The following CIROZ variants were observed in gnomAD, a reference collection of about 807,000 sequenced individuals.
CIROZ encodes the protein ciliated left-right organizer protein containing ZP-N domains.
the CIROZ span, among the ~76,000 whole-genome samples, chr1:10,961,010 C>G: frequency 1.3e-5 from 2 of 152,104 alleles, no homozygotes; most frequent in African/African-American, 2.4e-5. Context: ...CCCCCCCCAC[C>G]CACCTGCTCC....
chr1:10,972,356 G>A, the CIROZ span, among the ~76,000 whole-genome samples: 1 of 150,784 alleles, frequency 6.6e-6, no homozygotes, highest in East Asian at 2.0e-4. Context: ...AGTGTGCGAT[G>A]ATCATGCCTG....
At chr1:10,967,130 C>G in the CIROZ span, among the ~76,000 whole-genome samples, 1 of 144,198 alleles carries the variant, frequency 6.9e-6, no homozygotes, top group Non-Finnish European at 1.5e-5. Flanking sequence ...GCCTGGGTGA[C>G]GGAGTGAAAC....
the CIROZ span, among the ~76,000 whole-genome samples, chr1:10,969,081 C>A: frequency 1.3e-5 from 2 of 152,152 alleles, no homozygotes; most frequent in Admixed American, 6.5e-5. Context: ...CCTCCCAGGG[C>A]AGATTTAGGC....
At chr1:10,948,351 C>G in the CIROZ span, 1 of 1,613,436 alleles carries the variant, frequency 6.2e-7, no homozygotes, top group African/African-American at 1.3e-5. Flanking sequence ...TGTGGCCCGC[C>G]AGGGCCTCGC....
chr1:10,956,744 TG>T, the CIROZ span, among the ~76,000 whole-genome samples: 1 of 152,178 alleles, frequency 6.6e-6, no homozygotes, highest in African/African-American at 2.4e-5. Context: ...CCCAAAGTGC[TG>T]GGATTACAGG....
At chr1:10,976,052 C>A in the CIROZ span, 6 of 880,230 alleles carry the variant, frequency 6.8e-6, no homozygotes, top group African/African-American at 6.7e-5. Context: ...AAGGCTTTCT[C>A]GCTTCCAAAG....
chr1:10,962,200 C>T, the CIROZ span, among the ~76,000 whole-genome samples: 2 of 151,562 alleles, frequency 1.3e-5, no homozygotes, highest in Non-Finnish European at 2.9e-5. Context: ...AATCCCAGCA[C>T]TTTGGGAGGC....
chr1:10,969,708 T>C, the CIROZ span, among the ~76,000 whole-genome samples: 1 of 151,940 alleles, frequency 6.6e-6, no homozygotes, highest in East Asian at 1.9e-4. Context: ...CTGCCTTCTG[T>C]TGGGAAGAGG....
At chr1:10,957,120 G>A in the CIROZ span, 6 of 1,547,242 alleles carry the variant, frequency 3.9e-6, no homozygotes, top group South Asian at 6.0e-5. Context: ...GGGGAGGAAG[G>A]GGGGTCCCCC....
the CIROZ span, among the ~76,000 whole-genome samples, chr1:10,954,336 C>T: frequency 6.6e-6 from 1 of 151,964 alleles, no homozygotes; most frequent in Non-Finnish European, 1.5e-5. Context: ...CACCTGTAGT[C>T]CCAGCTACTC....
At chr1:10,954,076 A>C in the CIROZ span, 1 of 1,613,746 alleles carries the variant, frequency 6.2e-7, no homozygotes, top group Non-Finnish European at 8.5e-7. Flanking sequence ...ATCTCGGCAA[A>C]TTCCAGGCTC....
the CIROZ span, chr1:10,948,638 T>G: frequency 6.2e-7 from 1 of 1,613,762 alleles, no homozygotes; most frequent in South Asian, 1.1e-5. Flanking sequence ...TTGGCAAGAC[T>G]GGACGTGGCC....
the CIROZ span, among the ~76,000 whole-genome samples, chr1:10,964,428 G>A: frequency 2.0e-5 from 3 of 152,160 alleles, no homozygotes; most frequent in Non-Finnish European, 1.5e-5. Context: ...GACCAAGGTC[G>A]ACACCAACAC....
chr1:10,973,241 C>A, the CIROZ span, among the ~76,000 whole-genome samples: 1 of 152,062 alleles, frequency 6.6e-6, no homozygotes. Context: ...GGCGTGGTTG[C>A]GGGTGCCTGT....
At chr1:10,968,516 G>A in the CIROZ span, among the ~76,000 whole-genome samples, 1 of 152,204 alleles carries the variant, frequency 6.6e-6, no homozygotes. Flanking sequence ...GAGGAAGACT[G>A]TGAAAGGTAG....
At chr1:10,948,401 C>G in the CIROZ span, 8 of 1,613,080 alleles carry the variant, frequency 5.0e-6, no homozygotes, top group African/African-American at 9.3e-5. Flanking sequence ...CGGGCTCCCC[C>G]ATGATGGGCT....
chr1:10,954,000 C>T, the CIROZ span: 6 of 1,604,290 alleles, frequency 3.7e-6, no homozygotes, highest in Non-Finnish European at 5.1e-6. Context: ...CAGTCACACC[C>T]TCATGGTGCC....
chr1:10,958,709 C>T, the CIROZ span: 1 of 1,614,048 alleles, frequency 6.2e-7, no homozygotes, highest in African/African-American at 1.3e-5. Context: ...ATGGGGCCCG[C>T]TTACCTGTCT....
chr1:10,949,305 T>G, the CIROZ span: 27 of 393,414 alleles, frequency 6.9e-5, no homozygotes, highest in South Asian at 7.9e-4. Flanking sequence ...TTTCCCTCCC[T>G]CCATTTGTGT....
Sources: allele counts gnomAD v4.1 joint callset (sites outside exome capture counted in the v4.1 genomes callset), GRCh38; gene constraint gnomAD v4.1.1; transcripts MANE v1.5; gene names NCBI Gene and HGNC (gene_info 2026-07-23, HGNC 2026-07-21).